The following ERMP1 variants were observed in gnomAD, a reference collection of about 807,000 sequenced individuals.
ERMP1 encodes the protein Felix-ina.
A neutral mutation model predicts 92.0 loss-of-function variants in ERMP1; 86 were observed. The observed-to-expected ratio is 0.93, with a 90% confidence interval of 0.79 to 1.12. ERMP1 has a LOEUF of 1.12. Ranked by LOEUF, ERMP1 falls within the 50% of genes most tolerant of loss-of-function variation. The probability of loss-of-function intolerance (pLI) is 0.00; values close to 1 mark genes in which losing one functional copy is unlikely to be tolerated. For synonymous variants in ERMP1, 530 were observed against 412.8 expected, an observed-to-expected ratio of 1.28 and a Z score of -3.44; for missense variants, 1,342 against 1,116.3, an observed-to-expected ratio of 1.20 and a Z score of -2.88.
rs375359176 is a variant in ERMP1, at chr9:5,787,100, C to T, written c.*44G>A. 13 of 1,551,720 alleles carry T rather than the reference C, an allele frequency of 8.4e-6. No homozygotes were observed. The African/African-American group carries it at 1.8e-4, about 21-fold the overall frequency. On this transcript the variant is annotated 3_prime_UTR_variant, in exon 15 of 15. Coordinates refer to ENST00000339450, the MANE Select transcript of ERMP1 (RefSeq NM_024896.3). ...CGTAACATAGGGAGAAACCATGTCA[C>T]ATGGAGTATCCACTGGGCATGTACT...
chr9:5,789,575 T>G (rs1431812562), intron 13 of ERMP1, among the ~76,000 whole-genome samples: 2 of 152,246 alleles, frequency 1.3e-5, no homozygotes, highest in Non-Finnish European at 2.9e-5. Context: ...GACAGGGTCT[T>G]GCTCTATCAC....
chr9:5,793,255 C>T (rs1275010304), intron 13 of ERMP1, among the ~76,000 whole-genome samples: 1 of 151,250 alleles, frequency 6.6e-6, no homozygotes, highest in East Asian at 1.9e-4. Flanking sequence ...AACGACAGGG[C>T]AGCCATTAAA....
chr9:5,806,124 T>G (rs1482332627), intron 8 of ERMP1, among the ~76,000 whole-genome samples: 1 of 152,238 alleles, frequency 6.6e-6, no homozygotes, highest in African/African-American at 2.4e-5. Flanking sequence ...TTTCAGTTCA[T>G]GCCAATTCCA....
At chr9:5,829,992 G>T (rs1036248499) in intron 2 of ERMP1, among the ~76,000 whole-genome samples, 1 of 152,170 alleles carries the variant, frequency 6.6e-6, no homozygotes, top group African/African-American at 2.4e-5. Flanking sequence ...CTAAATGCAA[G>T]TATTCTATTT....
upstream of ERMP1, among the ~76,000 whole-genome samples, chr9:5,835,535 A>G (rs1007492676): frequency 2.0e-5 from 3 of 152,242 alleles, no homozygotes; most frequent in African/African-American, 7.2e-5. Flanking sequence ...ACAGGGCCAC[A>G]TAAGCCTGGG....
rs1050582672 is a variant in ERMP1, at chr9:5,833,007, C to T, written c.21G>A (p.Ser7=). Residue 7 remains serine (S), a synonymous_variant, in exon 1 of 15, where the codon TCG becomes TCA. Coordinates refer to ENST00000339450, the MANE Select transcript of ERMP1 (RefSeq NM_024896.3). The stretch of plus-strand genomic sequence containing the variant: ...CGACGCGGTGCCGCCTCACAGCAGC[C>T]GACTCAGAACCCCACTCCATGGCCA... MEWGSE[S]AAVRRHRVGV... 2 of 1,551,940 alleles carry T rather than the reference C, an allele frequency of 1.3e-6. No individual in the cohort carries two copies. The highest frequency in any genetic ancestry group is 1.7e-6 in the Non-Finnish European group (2 of 1,159,846).
chr9:5,828,062 G>C (rs548106323), intron 2 of ERMP1, among the ~76,000 whole-genome samples: 1 of 152,336 alleles, frequency 6.6e-6, no homozygotes, highest in African/African-American at 2.4e-5. Flanking sequence ...CCAGCACTTT[G>C]GGAGGATGAG....
chr9:5,792,115 G>T (rs540467977), intron 13 of ERMP1, among the ~76,000 whole-genome samples: 1 of 152,234 alleles, frequency 6.6e-6, no homozygotes, highest in South Asian at 2.1e-4. Context: ...GTGCAAATAA[G>T]GGTTGGATGT....
chr9:5,798,878 A>G lies in ERMP1; in HGVS notation c.2198T>C (p.Ile733Thr). The change falls in exon 12 of 15, where the codon ATC becomes ACC. Residue 733 changes from isoleucine to threonine, a missense_variant. Transcript: ENST00000339450. ...TPHIPEINDS[I>T]RAHCEENAPL... ...TGCATTCTCCTCACAGTGAGCTCGGATACTATCATTGATCTCAGGAATGTG... is the reference window on the plus strand; with the variant it reads ...TGCATTCTCCTCACAGTGAGCTCGGGTACTATCATTGATCTCAGGAATGTG... The G allele has an allele frequency of 1.2e-6, 2 of 1,613,726 alleles. No individual in the cohort carries two copies. The highest frequency in any genetic ancestry group is 1.7e-6 in the Non-Finnish European group (2 of 1,179,628).
At position 5,806,844 on chromosome 9, in the gene ERMP1, T is replaced by C. The variant is rs542930790; in HGVS notation, c.1549-1059A>G. Among the ~76,000 whole-genome samples the C allele has an allele frequency of 8.5e-5, 13 of 152,178 alleles. No homozygotes were observed. The South Asian group carries it at 2.3e-3, about 27-fold the overall frequency. ...AAATACAAAGATGGAAATGGAGAAA[T>C]AGATATATTAAAGTTTCTCCTTCTT... On this transcript the variant is annotated intron_variant, in intron 8 of 14. Transcript: ENST00000339450.
intron 6 of ERMP1, among the ~76,000 whole-genome samples, chr9:5,847,162 T>C (rs1362384477): frequency 6.6e-6 from 1 of 152,154 alleles, no homozygotes; most frequent in East Asian, 1.9e-4. Flanking sequence ...ATGGGCTTTG[T>C]TTTTTTCAAT....
chr9:5,819,954 A>G (rs547953623), intron 4 of ERMP1, among the ~76,000 whole-genome samples: 1 of 152,212 alleles, frequency 6.6e-6, no homozygotes, highest in Non-Finnish European at 1.5e-5. Context: ...TGCACAACTA[A>G]GAATTATATA....
chr9:5,847,948 C>T (rs1051152873), intron 6 of ERMP1, among the ~76,000 whole-genome samples: 1 of 147,760 alleles, frequency 6.8e-6, no homozygotes, highest in Non-Finnish European at 1.5e-5. Flanking sequence ...AAAATCAGAA[C>T]AAAACAAACC....
chr9:5,811,254 C>T lies in ERMP1; in HGVS notation c.1184G>A (p.Arg395Gln), dbSNP rs774713963. ...SDMLAAASKY[R>Q]HGNMVFFDVL... The stretch of plus-strand genomic sequence containing the variant: ...ATCAAAGAAGACCATGTTTCCATGT[C>T]GATACTTAGAAGCAGCAGCCAGCAT... The change falls in exon 7 of 15, where the codon CGA (arginine) becomes CAA (glutamine). Residue 395 changes from arginine (R) to glutamine (Q), a missense_variant. Arg to Gln is a conservative substitution (Grantham distance 43). Transcript: ENST00000339450. 21 of 1,612,530 alleles carry T rather than the reference C, an allele frequency of 1.3e-5. No homozygotes were observed. Among genetic ancestry groups the T allele is most frequent in the South Asian group, 9.9e-5 (9 of 91,024 alleles).
chr9:5,845,336 G>A (rs978245038), intron 6 of ERMP1, among the ~76,000 whole-genome samples: 2 of 152,206 alleles, frequency 1.3e-5, no homozygotes, highest in East Asian at 1.9e-4. Flanking sequence ...GCCAAGGCGG[G>A]AGGATCACTT....
intron 2 of ERMP1, among the ~76,000 whole-genome samples, chr9:5,828,717 T>C (rs771213471): frequency 3.3e-5 from 5 of 152,204 alleles, no homozygotes; most frequent in Non-Finnish European, 7.3e-5. Flanking sequence ...CTATTTGGTT[T>C]TTCTCTTTTT....
At chr9:5,805,849 T>C (rs780301135) in intron 8 of ERMP1, 64 bp from the exon 9 acceptor site, 88 of 1,247,718 alleles carry the variant, frequency 7.1e-5, no homozygotes, top group Admixed American at 5.6e-4. Context: ...GCTTTTATTA[T>C]AGTAACACAC....
chr9:5,829,932 T>C (rs989207463), intron 2 of ERMP1, among the ~76,000 whole-genome samples: 1 of 152,246 alleles, frequency 6.6e-6, no homozygotes, highest in Non-Finnish European at 1.5e-5. Context: ...GAAGTTCAAT[T>C]TAGGGGATTC....
At chr9:5,809,974 C>T (rs1014842502) in intron 8 of ERMP1, 37 bp downstream of exon 8, 100 of 1,389,384 alleles carry the variant, frequency 7.2e-5, no homozygotes, top group Non-Finnish European at 9.8e-5. Context: ...TCCCTGGAGG[C>T]AACAGAAAGA....
Sources: gnomAD v4.1 joint callset for allele counts (sites outside exome capture counted in the v4.1 genomes callset) on GRCh38, gnomAD v4.1.1 for gene constraint, MANE v1.5 for transcripts, NCBI Gene and HGNC (gene_info 2026-07-23, HGNC 2026-07-21) for gene names.